The following PAPPA2 variants were observed in gnomAD, a reference collection of about 807,000 sequenced individuals.
PAPPA2 encodes pappalysin-2.
In PAPPA2, 86 loss-of-function variants were observed where a neutral mutation model predicts 176.4. The observed-to-expected ratio is 0.49, with a 90% CI of 0.41 to 0.58. The LOEUF (loss-of-function observed/expected upper bound fraction) is 0.58. Among genes scored for constraint, PAPPA2 ranks in the 20% least tolerant of loss-of-function variants. The pLI is 0.00. For synonymous variants in PAPPA2, 809 were observed against 852.2 expected (o/e 0.95, Z 0.88); for missense variants, 2,073 against 2,256.9 (o/e 0.92, Z 1.65).
At chr1:176,649,324 CTT>C (rs1282012514) in intron 3 of PAPPA2, among the ~76,000 whole-genome samples, 31 of 150,400 alleles carry the variant, frequency 2.1e-4, no homozygotes, top group Non-Finnish European at 1.5e-5. Flanking sequence ...TGAGTCTTCT[CTT>C]TTTCTTAGCT....
At chr1:176,834,520 C>A (rs1667195218) in intron 21 of PAPPA2, among the ~76,000 whole-genome samples, 1 of 152,186 alleles carries the variant, frequency 6.6e-6, no homozygotes, top group South Asian at 2.1e-4. Flanking sequence ...TGTTTCTGGG[C>A]TGTAGGCATA....
At chr1:176,544,590 A>G (rs1056452839) in intron 1 of PAPPA2, among the ~76,000 whole-genome samples, 3 of 152,184 alleles carry the variant, frequency 2.0e-5, no homozygotes, top group Admixed American at 1.3e-4. Context: ...ACACCAAGCA[A>G]TTCTTCAATT....
At chr1:176,572,486 G>T (rs1652408645) in intron 2 of PAPPA2, among the ~76,000 whole-genome samples, 1 of 152,090 alleles carries the variant, frequency 6.6e-6, no homozygotes, top group Admixed American at 6.5e-5. Context: ...AGGGAAAAAA[G>T]AGACTCTGAG....
At chr1:176,748,859 C>T (rs1488989638) in intron 14 of PAPPA2, among the ~76,000 whole-genome samples, 1 of 152,094 alleles carries the variant, frequency 6.6e-6, no homozygotes, top group African/African-American at 2.4e-5. Flanking sequence ...TAGGCTATAT[C>T]ATATAGGTTT....
At chr1:176,690,011 C>A in intron 4 of PAPPA2, 126 bp from the exon 5 acceptor site, 1 of 845,192 alleles carries the variant, frequency 1.2e-6, no homozygotes, top group Non-Finnish European at 1.8e-6. Context: ...TGTATGTTAC[C>A]AGAAGTTATA....
intron 17 of PAPPA2, among the ~76,000 whole-genome samples, chr1:176,787,398 C>A (rs112958670): frequency 0.011 from 1,673 of 152,078 alleles, 19 homozygotes; most frequent in Non-Finnish European, 0.018. Context: ...CTGTGCCTGG[C>A]TAATTTTTGC....
chr1:176,792,561 G>A (rs1339935424), intron 19 of PAPPA2, among the ~76,000 whole-genome samples: 1 of 152,046 alleles, frequency 6.6e-6, no homozygotes. Flanking sequence ...CATATCTAGA[G>A]GCCTTAAGAG....
At chr1:176,533,449 C>T (rs1649916435) in intron 1 of PAPPA2, among the ~76,000 whole-genome samples, 1 of 152,238 alleles carries the variant, frequency 6.6e-6, no homozygotes, top group Non-Finnish European at 1.5e-5. Flanking sequence ...TCTTCAGCTA[C>T]TGCTGAGATA....
chr1:176,622,495 A>G (rs1655651090), intron 3 of PAPPA2, among the ~76,000 whole-genome samples: 1 of 152,198 alleles, frequency 6.6e-6, no homozygotes. Flanking sequence ...TAAAGATCTA[A>G]TGGGTCTTAG....
Position 176,595,185 on chromosome 1 carries a change from C to G in PAPPA2, c.1581C>G (p.Tyr527Ter). Residue 527 changes from tyrosine (Y) to a stop codon, truncating the protein, a stop_gained, in exon 3 of 23, where the codon TAC becomes TAG. Transcript: ENST00000367662. LOFTEE classifies it high-confidence loss of function. ...TTCGGGGAGAGAAGGTGATACGCTA[C>G]CAGGTGGTGAACATCTGTGATGATG... ...WPLRGEKVIR[Y>*]QVVNICDDEG... 1 of 1,614,186 alleles carries G rather than the reference C, an allele frequency of 6.2e-7. No homozygotes were observed.
At chr1:176,758,652 T>C (rs1663549041) in intron 14 of PAPPA2, among the ~76,000 whole-genome samples, 2 of 152,204 alleles carry the variant, frequency 1.3e-5, no homozygotes, top group Non-Finnish European at 2.9e-5. Context: ...GAGCTGTTTC[T>C]AGAAAGACCT....
At chr1:176,800,653 A>T (rs1185671138) in intron 21 of PAPPA2, among the ~76,000 whole-genome samples, 3 of 152,214 alleles carry the variant, frequency 2.0e-5, no homozygotes, top group Admixed American at 6.5e-5. Context: ...GAAAAACAAG[A>T]CTAGCTGGCA....
chr1:176,669,694 T>C (rs1162137434), intron 3 of PAPPA2, among the ~76,000 whole-genome samples: 1 of 152,226 alleles, frequency 6.6e-6, no homozygotes, highest in Non-Finnish European at 1.5e-5. Flanking sequence ...GATCTTTTTT[T>C]GTCTTTCCTT....
intron 3 of PAPPA2, among the ~76,000 whole-genome samples, chr1:176,639,053 C>CT (rs1354543524): frequency 1.3e-5 from 2 of 151,378 alleles, no homozygotes; most frequent in South Asian, 2.1e-4. Context: ...GAAATGCTGA[C>CT]TTTTTTAAAA....
chr1:176,526,177 A>T (rs1649491488), intron 1 of PAPPA2, among the ~76,000 whole-genome samples: 1 of 152,198 alleles, frequency 6.6e-6, no homozygotes, highest in Admixed American at 6.5e-5. Flanking sequence ...CATTTTGTGG[A>T]TAGAGTGTTC....
chr1:176,479,585 T>C (rs1301891595), intron 1 of PAPPA2, among the ~76,000 whole-genome samples: 1 of 152,164 alleles, frequency 6.6e-6, no homozygotes, highest in African/African-American at 2.4e-5. Context: ...TTGGGCATTC[T>C]TGTAGGTATT....
intron 3 of PAPPA2, among the ~76,000 whole-genome samples, chr1:176,659,749 G>T (rs1038330620): frequency 6.6e-6 from 1 of 152,014 alleles, no homozygotes; most frequent in South Asian, 2.1e-4. Context: ...GGTTCAATTT[G>T]GTATTCTGCT....
Position 176,790,129 on chromosome 1 carries a change from T to G in PAPPA2, c.4884+152T>G, listed in dbSNP as rs565945579. On this transcript the variant is annotated intron_variant, in intron 18 of 22. Transcript: ENST00000367662. ...AGTGTTGGTATTATGCAATAGAAAA[T>G]TCAGAAAATACCACATTTTTAAAAT... 4.5e-6 allele frequency: 4 copies of G among 895,132 alleles called. No individual in the cohort carries two copies. In the African/African-American group the frequency reaches 6.8e-5, roughly 15 times the overall value. The allele number at this position is 895,132 out of a possible 1,614,324, so 55.4% of individuals were successfully genotyped here.
intron 21 of PAPPA2, among the ~76,000 whole-genome samples, chr1:176,836,974 C>A (rs1176784048): frequency 1.3e-5 from 2 of 152,100 alleles, no homozygotes; most frequent in Non-Finnish European, 2.9e-5. Flanking sequence ...CCATAGACAG[C>A]AGACAGGGCC....
Sources: gnomAD v4.1 joint callset for allele counts (sites outside exome capture counted in the v4.1 genomes callset) on GRCh38, gnomAD v4.1.1 for gene constraint, MANE v1.5 for transcripts, NCBI Gene and HGNC (gene_info 2026-07-23, HGNC 2026-07-21) for gene names.